Variants in ZNF600 observed in about 807,000 individuals in gnomAD.
The protein encoded by ZNF600 is zinc finger protein KR-ZNF1.
Under a neutral mutation model 7.3 loss-of-function variants are expected in ZNF600, and 4 were observed. The observed-to-expected ratio is 0.55, with a 90% CI of 0.27 to 1.25. The LOEUF is 1.25. Ranked by LOEUF, ZNF600 falls within the 50% of genes most tolerant of loss-of-function variation. ZNF600 has a pLI of 0.12. For missense variants in ZNF600, 911 were observed against 922.1 expected (o/e 0.99, Z 0.16); for synonymous variants, 290 against 308.9 (o/e 0.94, Z 0.64).
At chr19:52,801,984 C>G in the ZNF600 span, among the ~76,000 whole-genome samples, 1 of 152,016 alleles carries the variant, frequency 6.6e-6, no homozygotes, top group African/African-American at 2.4e-5. Context: ...CACTGTGACC[C>G]TAAAGTGTAT....
At chr19:52,793,795 CACACACACACACACACACACACAA>C in the ZNF600 span, among the ~76,000 whole-genome samples, 1 of 75,944 alleles carries the variant, frequency 1.3e-5, no homozygotes, top group African/African-American at 4.8e-5. Context: ...CACACACACA[CACACACACACACACACACACACAA>C]AAGTGATGTA....
At chr19:52,811,799 C>T in the ZNF600 span, among the ~76,000 whole-genome samples, 13 of 141,250 alleles carry the variant, frequency 9.2e-5, no homozygotes, top group East Asian at 6.8e-4. Context: ...CCGCCCCGTC[C>T]GGGAGGTGAG....
At chr19:52,832,923 C>T in the ZNF600 span, among the ~76,000 whole-genome samples, 1 of 152,058 alleles carries the variant, frequency 6.6e-6, no homozygotes, top group Non-Finnish European at 1.5e-5. Flanking sequence ...AGGCATGAGC[C>T]ACGACTTCCA....
the ZNF600 span, chr19:52,810,181 AG>A: frequency 1.0e-6 from 1 of 993,472 alleles, no homozygotes; most frequent in Non-Finnish European, 1.6e-6. Context: ...AGGGAGGTGG[AG>A]GAAGAAGCTG....
the ZNF600 span, among the ~76,000 whole-genome samples, chr19:52,819,394 A>T: frequency 4.2e-5 from 4 of 95,708 alleles, 2 homozygotes; most frequent in African/African-American, 1.7e-4. Flanking sequence ...CTTCCATTCT[A>T]TTGCTTTTTT....
At chr19:52,832,749 C>A in the ZNF600 span, among the ~76,000 whole-genome samples, 1 of 152,080 alleles carries the variant, frequency 6.6e-6, no homozygotes, top group Non-Finnish European at 1.5e-5. Flanking sequence ...AACTAAGCTA[C>A]AGAGCGACAT....
the ZNF600 span, among the ~76,000 whole-genome samples, chr19:52,832,033 T>C: frequency 2.0e-5 from 3 of 152,086 alleles, no homozygotes; most frequent in Non-Finnish European, 4.4e-5. Flanking sequence ...TTGTGTTTTC[T>C]ACATAAACCA....
the ZNF600 span, among the ~76,000 whole-genome samples, chr19:52,818,580 C>T: frequency 1.3e-4 from 19 of 151,868 alleles, no homozygotes; most frequent in Non-Finnish European, 2.6e-4. Flanking sequence ...GGGCTTGATG[C>T]GCATCTGTAA....
intron 1 of ZNF600, among the ~76,000 whole-genome samples, chr19:52,779,282 C>T (rs533113533): frequency 2.6e-5 from 4 of 152,358 alleles, no homozygotes; most frequent in African/African-American, 9.6e-5. Flanking sequence ...ATGCTCAATG[C>T]TGCACACAGA....
chr19:52,775,463 T>G (rs1267060069), intron 2 of ZNF600, among the ~76,000 whole-genome samples: 1 of 151,856 alleles, frequency 6.6e-6, no homozygotes, highest in East Asian at 1.9e-4. Flanking sequence ...GGCAGGAGGA[T>G]CGCATGAATC....
At chr19:52,816,387 G>A in the ZNF600 span, among the ~76,000 whole-genome samples, 7 of 146,152 alleles carry the variant, frequency 4.8e-5, no homozygotes, top group South Asian at 2.3e-4. Context: ...CAGGCAAGCC[G>A]GGCGCGGTGG....
At chr19:52,806,256 C>T in the ZNF600 span, among the ~76,000 whole-genome samples, 3 of 151,946 alleles carry the variant, frequency 2.0e-5, no homozygotes, top group East Asian at 1.9e-4. Context: ...TGCAACGGTG[C>T]GATCTCGGCT....
chr19:52,789,839 C>A (rs936150331), upstream of ZNF600, among the ~76,000 whole-genome samples: 1 of 152,162 alleles, frequency 6.6e-6, no homozygotes, highest in Non-Finnish European at 1.5e-5. Context: ...TTTATTTCAC[C>A]TGGGTGCAGG....
At chr19:52,825,083 A>C in the ZNF600 span, among the ~76,000 whole-genome samples, 1 of 152,100 alleles carries the variant, frequency 6.6e-6, no homozygotes, top group East Asian at 1.9e-4. Flanking sequence ...GCGCTTTTAC[A>C]CCTGGGGGTA....
At chr19:52,815,797 C>T in the ZNF600 span, among the ~76,000 whole-genome samples, 1 of 146,158 alleles carries the variant, frequency 6.8e-6, no homozygotes, top group Non-Finnish European at 1.5e-5. Flanking sequence ...TGCACTCCAG[C>T]CTGGGCGACA....
At chr19:52,800,000 G>A in the ZNF600 span, 50 of 1,613,792 alleles carry the variant, frequency 3.1e-5, 1 homozygote, top group South Asian at 5.5e-4. Context: ...TCTGACGGAA[G>A]GTCTTGCCAC....
chr19:52,787,488 G>T (rs1434862332), upstream of ZNF600, among the ~76,000 whole-genome samples: 1 of 141,600 alleles, frequency 7.1e-6, no homozygotes, highest in Non-Finnish European at 1.5e-5. Context: ...CTCACTGCAA[G>T]CTCCGCCTCC....
chr19:52,812,241 G>C, the ZNF600 span, among the ~76,000 whole-genome samples: 10 of 137,964 alleles, frequency 7.2e-5, no homozygotes, highest in Non-Finnish European at 1.5e-4. Flanking sequence ...CCCTCTGCCC[G>C]GCCACGACCC....
upstream of ZNF600, chr19:52,786,833 G>A (rs2062768373): frequency 3.3e-6 from 1 of 303,414 alleles, no homozygotes; most frequent in South Asian, 2.5e-5. Flanking sequence ...GGGCGGGGTA[G>A]AGGCGGGGCC....
Sources: gnomAD v4.1 joint callset for allele counts (sites outside exome capture counted in the v4.1 genomes callset) on GRCh38, gnomAD v4.1.1 for gene constraint, MANE v1.5 for transcripts, NCBI Gene and HGNC (gene_info 2026-07-23, HGNC 2026-07-21) for gene names.